The following SOX6 variants were observed in gnomAD, a reference collection of about 807,000 sequenced individuals.
SOX6 encodes SRY-box transcription factor 6, also known as transcription factor SOX-6.
In SOX6, 11 loss-of-function variants were observed where a neutral mutation model predicts 97.8. That is an observed-to-expected ratio of 0.11 (90% CI 0.07 to 0.19). SOX6 has a LOEUF of 0.19. SOX6 is among the 10% of genes least tolerant of loss of function. The pLI is 1.00. For synonymous variants in SOX6, 360 were observed against 371.4 expected (o/e 0.97, Z 0.35); for missense variants, 810 against 1,039.5 (o/e 0.78, Z 3.04).
At chr11:16,551,433 A>G (rs1019678161) in intron 4 of SOX6, among the ~76,000 whole-genome samples, 1 of 152,108 alleles carries the variant, frequency 6.6e-6, no homozygotes, top group Admixed American at 6.6e-5. Context: ...AAAAGAGTCT[A>G]AACACTATAA....
In SOX6 at chr11:15,968,258, T is replaced by G. The variant is rs1055755408; in HGVS notation, c.*4551A>C. ...TGCCAACTCAATTCTTAGACAAACG[T>G]GTACAAAATCAGGCAGGGCTACAGC... On this transcript the variant is annotated 3_prime_UTR_variant, in exon 16 of 16. Transcript: ENST00000683767. The G allele has an allele frequency of 6.6e-6, 1 of 152,216 alleles. No individual in the cohort carries two copies. The highest frequency in any genetic ancestry group is 1.5e-5 in the Non-Finnish European group (1 of 68,032). The allele number at this position is 152,216 out of a possible 1,614,324, so 9.4% of individuals were successfully genotyped here.
chr11:15,988,885 C>G (rs1053044247), intron 14 of SOX6, 112 bp downstream of exon 14: 2 of 1,092,056 alleles, frequency 1.8e-6, no homozygotes, highest in East Asian at 2.4e-5. Context: ...GTCTAACTTG[C>G]GCCCGCCACA....
chr11:16,134,864 G>A (rs765517050), intron 6 of SOX6, among the ~76,000 whole-genome samples: 49 of 152,290 alleles, frequency 3.2e-4, no homozygotes, highest in Non-Finnish European at 6.6e-4. Flanking sequence ...AAGTGTTCAA[G>A]TGAAAGGAAG....
At chr11:16,040,183 T>G (rs1391922741) in intron 12 of SOX6, among the ~76,000 whole-genome samples, 1 of 152,072 alleles carries the variant, frequency 6.6e-6, no homozygotes, top group Non-Finnish European at 1.5e-5. Flanking sequence ...AACTCAAGGC[T>G]TTATATTTAT....
rs1373077057 is a variant in SOX6, at chr11:16,233,656, T to C, written c.535+926A>G. ...TCTAAGAACTATACATGTATTAACT[T>C]CTTAATGAGCCTATGAAGGAAATAC... On this transcript the variant is annotated intron_variant, in intron 4 of 15. Coordinates refer to ENST00000683767, the MANE Select transcript of SOX6 (RefSeq NM_001367873.1). Among the ~76,000 whole-genome samples, 9 of 152,216 alleles carry C rather than the reference T, an allele frequency of 5.9e-5. No individual in the cohort carries two copies. The South Asian group carries it at 1.9e-3, about 32-fold the overall frequency.
At chr11:16,442,914 C>A (rs182550266) in intron 1 of SOX6, among the ~76,000 whole-genome samples, 3 of 152,158 alleles carry the variant, frequency 2.0e-5, no homozygotes, top group East Asian at 1.9e-4. Flanking sequence ...AAATATTTTC[C>A]AGGTTCATAT....
intron 4 of SOX6, among the ~76,000 whole-genome samples, chr11:16,533,750 T>C (rs1326403815): frequency 2.6e-5 from 4 of 152,072 alleles, no homozygotes; most frequent in African/African-American, 9.7e-5. Context: ...AGAATAATCA[T>C]ATTATGTCAT....
intron 15 of SOX6, among the ~76,000 whole-genome samples, chr11:15,985,673 G>A (rs1853810769): frequency 6.6e-6 from 1 of 152,132 alleles, no homozygotes; most frequent in Non-Finnish European, 1.5e-5. Flanking sequence ...ATTTAAGCAA[G>A]AAAATACACA....
intron 2 of SOX6, among the ~76,000 whole-genome samples, chr11:16,728,518 G>T (rs998378062): frequency 2.0e-5 from 3 of 152,184 alleles, no homozygotes; most frequent in Non-Finnish European, 4.4e-5. Flanking sequence ...CTAACAAACA[G>T]AAAGGAATAG....
At chr11:16,427,675 C>T (rs551553692) in intron 1 of SOX6, among the ~76,000 whole-genome samples, 1 of 152,168 alleles carries the variant, frequency 6.6e-6, no homozygotes, top group Non-Finnish European at 1.5e-5. Flanking sequence ...TTTTTTATGG[C>T]TGCATAGTAT....
At chr11:16,528,768 T>C (rs1861201432) in intron 4 of SOX6, among the ~76,000 whole-genome samples, 1 of 152,140 alleles carries the variant, frequency 6.6e-6, no homozygotes, top group South Asian at 2.1e-4. Context: ...AGCACTTCTC[T>C]GGGCAAGAGC....
intron 8 of SOX6, 79 bp downstream of exon 8, chr11:16,097,530 T>C: frequency 8.3e-7 from 1 of 1,209,728 alleles, no homozygotes; most frequent in East Asian, 2.4e-5. Flanking sequence ...ATTCAGGCCA[T>C]TATTTAGCAT....
chr11:16,025,668 T>C (rs1855197517), intron 12 of SOX6, among the ~76,000 whole-genome samples: 1 of 152,138 alleles, frequency 6.6e-6, no homozygotes, highest in South Asian at 2.1e-4. Flanking sequence ...CAAGAATAAA[T>C]ATTTTCTTTA....
intron 13 of SOX6, among the ~76,000 whole-genome samples, chr11:16,003,053 T>C (rs1337651390): frequency 1.3e-5 from 2 of 152,168 alleles, no homozygotes; most frequent in Non-Finnish European, 2.9e-5. Flanking sequence ...GAATGATCTG[T>C]CACAAATGCA....
At chr11:16,095,143 C>A (rs1476101823) in intron 9 of SOX6, among the ~76,000 whole-genome samples, 1 of 151,814 alleles carries the variant, frequency 6.6e-6, no homozygotes, top group Non-Finnish European at 1.5e-5. Flanking sequence ...TTATATCTAA[C>A]CCAGAGAATT....
intron 2 of SOX6, among the ~76,000 whole-genome samples, chr11:16,331,398 G>A (rs944244799): frequency 6.6e-6 from 1 of 152,062 alleles, no homozygotes; most frequent in Admixed American, 6.6e-5. Flanking sequence ...AGAGAGTCAA[G>A]AGAACAGATT....
At chr11:16,077,953 G>A (rs1196516305) in intron 9 of SOX6, among the ~76,000 whole-genome samples, 2 of 152,006 alleles carry the variant, frequency 1.3e-5, no homozygotes, top group African/African-American at 4.8e-5. Context: ...AAAAGGTGGA[G>A]ATGAAATACT....
intron 4 of SOX6, among the ~76,000 whole-genome samples, chr11:16,232,431 T>A (rs531672092): frequency 9.2e-5 from 14 of 152,036 alleles, no homozygotes; most frequent in Non-Finnish European, 1.9e-4. Flanking sequence ...AACACACAAA[T>A]GAAAGTTCAC....
intron 4 of SOX6, among the ~76,000 whole-genome samples, chr11:16,600,502 G>A (rs569719444): frequency 6.6e-6 from 1 of 152,274 alleles, no homozygotes; most frequent in South Asian, 2.1e-4. Flanking sequence ...CCACAGATTT[G>A]AGGAAAAACA....
Sources: gnomAD v4.1 joint callset for allele counts (sites outside exome capture counted in the v4.1 genomes callset) on GRCh38, gnomAD v4.1.1 for gene constraint, MANE v1.5 for transcripts, NCBI Gene and HGNC (gene_info 2026-07-23, HGNC 2026-07-21) for gene names.